Variants in ENDOU observed in about 807,000 individuals in gnomAD.
ENDOU encodes the protein uridylate-specific endoribonuclease.
In ENDOU, 49 loss-of-function variants were observed where a neutral mutation model predicts 54.2. The ratio of observed to expected loss-of-function variants is 0.90; its 90% CI spans 0.72 to 1.15. The LOEUF (loss-of-function observed/expected upper bound fraction) is 1.15. Among genes scored for constraint, ENDOU ranks in the 50% most tolerant of loss-of-function variants. The pLI is 0.00. For missense variants in ENDOU, 458 were observed against 511.4 expected (o/e 0.90, Z 1.01); for synonymous variants, 172 against 190.5 (o/e 0.90, Z 0.80).
chr12:47,723,667 T>G (rs1940503149), intron 1 of ENDOU, among the ~76,000 whole-genome samples: 1 of 152,144 alleles, frequency 6.6e-6, no homozygotes, highest in South Asian at 2.1e-4. Flanking sequence ...CAAGGAAGCT[T>G]GGTCCCAAGC....
chr12:47,710,139 C>T lies in ENDOU; in HGVS notation c.*663G>A, dbSNP rs1008849945. On this transcript the variant is annotated 3_prime_UTR_variant, in exon 10 of 10. Transcript: ENST00000422538. ...TGGAGAAGGCCACCCCACCCCCAGC[C>T]CATTCACTGCACCAACCTATTACCC... 2.0e-5 allele frequency: 3 copies of T among 152,276 alleles called. No individual in the cohort carries two copies. Among genetic ancestry groups the T allele is most frequent in the African/African-American group, 7.2e-5 (3 of 41,420 alleles). The allele number at this position is 152,276 out of a possible 1,614,324, so 9.4% of individuals were successfully genotyped here. A position where few individuals can be genotyped will look rare whatever the true frequency, so the allele number is the denominator to read the frequency against.
chr12:47,716,578 A>AG, intron 5 of ENDOU, 79 bp from the exon 6 acceptor site: 2 of 1,348,346 alleles, frequency 1.5e-6, no homozygotes, highest in Non-Finnish European at 2.1e-6. Context: ...TAGACAGGCC[A>AG]GGGGCAGACA....
In ENDOU at chr12:47,710,921, T is replaced by G. The variant is rs774971165; in HGVS notation, c.1116-2A>C. 2.5e-6 allele frequency: 4 copies of G among 1,603,294 alleles called. No homozygotes were observed. In the Admixed American group the frequency reaches 6.7e-5, roughly 27 times the overall value. ...TATCCTCCCAGGCTTAACTGGCACC[T>G]GTGGGGAAAGAGCCTGAAATCAGAG... On this transcript the variant is annotated splice_acceptor_variant, in intron 9 of 9. Coordinates refer to ENST00000422538, the MANE Select transcript of ENDOU (RefSeq NM_001172439.2). LOFTEE classifies it high-confidence loss of function.
At chr12:47,718,503 T>C (rs1330346433) in intron 2 of ENDOU, among the ~76,000 whole-genome samples, 1 of 152,218 alleles carries the variant, frequency 6.6e-6, no homozygotes, top group African/African-American at 2.4e-5. Context: ...AGTTGACAGA[T>C]GGATAGAGGC....
Position 47,718,166 on chromosome 12 carries a change from T to C in ENDOU, c.207A>G (p.Pro69=). 1 of 1,583,352 alleles carries C rather than the reference T, an allele frequency of 6.3e-7. No homozygotes were observed. The highest frequency in any genetic ancestry group is 8.6e-7 in the Non-Finnish European group (1 of 1,162,970). ...CCTCTTCTGTCTCTTCCTCCAGCTG[T>C]GGCAATGGCTCTGACTCTTTGTGGT... ...TEDHKESEPL[P]QLEEETEEAL... Residue 69 remains proline, a synonymous_variant, in exon 3 of 10, where the codon CCA becomes CCG. Transcript: ENST00000422538.
At position 47,717,160 on chromosome 12, in the gene ENDOU, A is replaced by C. The variant is rs536130458; in HGVS notation, c.383-102T>G. ...CCCTCCTGGGCACCTTCAAGAAGCC[A>C]GCAAGGAGGGAGGGGGGCCACAGTT... On this transcript the variant is annotated intron_variant, in intron 4 of 9. Transcript: ENST00000422538. 5.8e-4 allele frequency: 540 copies of C among 938,358 alleles called. 1 individual carries two copies. The highest frequency in any genetic ancestry group is 8.0e-4 in the Non-Finnish European group (480 of 596,916). The allele number at this position is 938,358 out of a possible 1,614,324, so 58.1% of individuals were successfully genotyped here.
chr12:47,716,442 G>C lies in ENDOU; in HGVS notation c.609C>G (p.Ile203Met), dbSNP rs767882518. The C allele has an allele frequency of 1.3e-5, 21 of 1,614,014 alleles. No individual in the cohort carries two copies. The highest frequency in any genetic ancestry group is 1.2e-5 in the Non-Finnish European group (14 of 1,180,044). The part of the protein sequence containing the change: ...LFSKPTYAAF[I>M]NLLNNYQRAT... ...CCCGCTGGTAGTTGTTGAGGAGGTT[G>C]ATGAAGGCTGCATAGGTGGGCTTGG... is the stretch of plus-strand genomic sequence containing the variant. The change falls in exon 6 of 10, where the codon ATC becomes ATG. Residue 203 changes from isoleucine (I) to methionine (M), a missense_variant. Transcript: ENST00000422538.
chr12:47,718,609 G>A (rs1308468761), intron 2 of ENDOU, among the ~76,000 whole-genome samples: 1 of 152,146 alleles, frequency 6.6e-6, no homozygotes, highest in Non-Finnish European at 1.5e-5. Flanking sequence ...AGGGCCTCAA[G>A]GAATAAGAGC....
At chr12:47,713,019 C>A (rs1450189983) in intron 7 of ENDOU, among the ~76,000 whole-genome samples, 1 of 152,118 alleles carries the variant, frequency 6.6e-6, no homozygotes, top group Non-Finnish European at 1.5e-5. Context: ...CATGTCTTGT[C>A]CTAGATGTAC....
At chr12:47,713,778 G>A (rs1038651862) in intron 6 of ENDOU, among the ~76,000 whole-genome samples, 2 of 149,894 alleles carry the variant, frequency 1.3e-5, no homozygotes, top group African/African-American at 5.0e-5. Context: ...CATCAGAAAG[G>A]CCTCTGTGAA....
At position 47,716,912 on chromosome 12, in the gene ENDOU, G is replaced by T; in HGVS notation, c.529C>A (p.Gln177Lys). ...NCISPSETRNQVDRCPKPLFT... is the reference protein window; with the variant it reads ...NCISPSETRNKVDRCPKPLFT... ...CACGGCTTTGGGCAGCGATCCACTT[G>T]GTTTCTGGTCTCTGACGGGGAGATG... Residue 177 changes from glutamine to lysine, a missense_variant, in exon 5 of 10, where the codon CAA becomes AAA. By Grantham distance (53) the Gln-to-Lys change is moderately conservative. Transcript: ENST00000422538. 2 of 1,614,198 alleles carry T rather than the reference G, an allele frequency of 1.2e-6. No homozygotes were observed. Among genetic ancestry groups the T allele is most frequent in the South Asian group, 1.1e-5 (1 of 91,082 alleles).
In ENDOU at chr12:47,712,642, A is replaced by G. The variant is rs752591249; in HGVS notation, c.866-20T>C. 6.3e-7 allele frequency: 1 copy of G among 1,577,512 alleles called. No homozygotes were observed. The highest frequency in any genetic ancestry group is 8.7e-7 in the Non-Finnish European group (1 of 1,147,658). ...CCTCACCTATAATAAAGAGTCCAAG[A>G]TGGATAATCTGGGCTCCTTCCCCAC... On this transcript the variant is annotated intron_variant, in intron 7 of 9. Transcript: ENST00000422538.
chr12:47,710,747 G>T lies in ENDOU; in HGVS notation c.*55C>A, dbSNP rs752014798. On this transcript the variant is annotated 3_prime_UTR_variant, in exon 10 of 10. Transcript: ENST00000422538. ...TCCCTCTTCTCTCTAGTCCAGAGAA[G>T]ATAGCACTTCAGTCTCGCAAGAGCC... The T allele has an allele frequency of 8.5e-7, 1 of 1,172,308 alleles. No homozygotes were observed. Among genetic ancestry groups the T allele is most frequent in the African/African-American group, 1.5e-5 (1 of 66,530 alleles). The allele number at this position is 1,172,308 out of a possible 1,614,324, so 72.6% of individuals were successfully genotyped here. A position where few individuals can be genotyped will look rare whatever the true frequency, so the allele number is the denominator to read the frequency against.
chr12:47,713,191 C>G, intron 7 of ENDOU, 84 bp downstream of exon 7: 1 of 940,662 alleles, frequency 1.1e-6, no homozygotes, highest in Admixed American at 1.8e-5. Flanking sequence ...GCTGATTAAT[C>G]CACACCCAGG....
At chr12:47,725,215 C>T (rs1314461558) in intron 1 of ENDOU, 144 bp downstream of exon 1, 2 of 859,752 alleles carry the variant, frequency 2.3e-6, no homozygotes, top group Admixed American at 1.9e-5. Flanking sequence ...ACAAGGACAA[C>T]CCAAAAGTGC....
intron 7 of ENDOU, among the ~76,000 whole-genome samples, chr12:47,712,906 G>T (rs1426814455): frequency 6.6e-6 from 1 of 152,114 alleles, no homozygotes. Flanking sequence ...GGAGTTTTAT[G>T]GGGTAGAATA....
intron 8 of ENDOU, 61 bp downstream of exon 8, chr12:47,712,455 A>T (rs1940061262): frequency 7.6e-7 from 1 of 1,316,316 alleles, no homozygotes; most frequent in Non-Finnish European, 1.1e-6. Context: ...GACAGTTTGG[A>T]ACACAGAGTG....
chr12:47,712,493 G>A, intron 8 of ENDOU, 23 bp downstream of exon 8: 1 of 1,563,640 alleles, frequency 6.4e-7, no homozygotes, highest in Non-Finnish European at 8.8e-7. Flanking sequence ...CTCTGACAAG[G>A]CTTTTCTAGT....
intron 7 of ENDOU, 99 bp from the exon 8 acceptor site, chr12:47,712,721 G>A (rs1409332390): frequency 9.6e-6 from 8 of 830,356 alleles, no homozygotes; most frequent in African/African-American, 5.4e-5. Flanking sequence ...CCCTTCTCCA[G>A]TCTCTGACTT....
Sources: gnomAD v4.1 joint callset for allele counts (sites outside exome capture counted in the v4.1 genomes callset) on GRCh38, gnomAD v4.1.1 for gene constraint, MANE v1.5 for transcripts, NCBI Gene and HGNC (gene_info 2026-07-23, HGNC 2026-07-21) for gene names.